Variants in STK32B observed in about 807,000 individuals in gnomAD.
STK32B encodes serine/threonine kinase 32B, also known as serine/threonine-protein kinase 32B.
In STK32B, 43 loss-of-function variants were observed where a neutral mutation model predicts 52.6. The observed-to-expected ratio is 0.82, with a 90% CI of 0.64 to 1.05. The LOEUF (loss-of-function observed/expected upper bound fraction) is 1.05. STK32B is among the 50% of genes least tolerant of loss of function. The pLI, the probability that STK32B is intolerant of heterozygous loss-of-function variation, is 0.00. For missense variants in STK32B, 621 were observed against 534.6 expected, an observed-to-expected ratio of 1.16 and a Z score of -1.59; for synonymous variants, 238 against 204.3, an observed-to-expected ratio of 1.17 and a Z score of -1.41.
chr4:5,038,167 C>T, the STK32B span, among the ~76,000 whole-genome samples: 1 of 152,188 alleles, frequency 6.6e-6, no homozygotes, highest in Non-Finnish European at 1.5e-5. Flanking sequence ...CCATAAAATT[C>T]CTGGCATGCC....
At chr4:5,334,949 G>A (rs1310844702) in intron 4 of STK32B, among the ~76,000 whole-genome samples, 5 of 151,714 alleles carry the variant, frequency 3.3e-5, no homozygotes, top group Non-Finnish European at 7.4e-5. Flanking sequence ...TTTTTTGGTT[G>A]TGTCTCTGCC....
rs1016982485 is a variant in STK32B at position 5,302,372 on chromosome 4, A to G, written c.261-28848A>G. Among the ~76,000 whole-genome samples the G allele has an allele frequency of 3.9e-5, 6 of 152,014 alleles. No homozygotes were observed. In the South Asian group the frequency reaches 8.3e-4, roughly 21 times the overall value. On this transcript the variant is annotated intron_variant, in intron 3 of 11. Transcript: ENST00000282908. ...TATTATTATTATTAGTTCTTTTAAC[A>G]TCCTGTTTAGAAATCTGTCTACCCT...
chr4:5,206,742 A>C lies in STK32B; in HGVS notation c.260+38292A>C, dbSNP rs1444075272. On this transcript the variant is annotated intron_variant, in intron 3 of 11. Coordinates refer to ENST00000282908, the MANE Select transcript of STK32B (RefSeq NM_018401.3). ...CTGCTGAAGTGAGACAGCATCTGCC[A>C]GAACCATTCTGCACCCACGAAGACA... Among the ~76,000 whole-genome samples, 10 of 152,320 alleles carry C rather than the reference A, an allele frequency of 6.6e-5. No individual in the cohort carries two copies. The East Asian group carries it at 1.7e-3, about 26-fold the overall frequency.
intron 3 of STK32B, among the ~76,000 whole-genome samples, chr4:5,275,852 C>G (rs1416299354): frequency 6.6e-6 from 1 of 152,046 alleles, no homozygotes; most frequent in Non-Finnish European, 1.5e-5. Context: ...CCAGTGCCCT[C>G]TCATGTAAGA....
chr4:5,051,729 G>T lies in STK32B; in HGVS notation c.-135G>T, dbSNP rs1369531864. ...CGTCCCCGCCCCTGCACGGTGCTCG[G>T]CCCCCTCGGGCTCCGCGCGCGGCTA... On this transcript the variant is annotated 5_prime_UTR_variant, in exon 1 of 12. Coordinates refer to ENST00000282908, the MANE Select transcript of STK32B (RefSeq NM_018401.3). 8.3e-7 allele frequency: 1 copy of T among 1,201,744 alleles called. No individual in the cohort carries two copies. The highest frequency in any genetic ancestry group is 2.7e-5 in the East Asian group (1 of 37,552). The allele number at this position is 1,201,744 out of a possible 1,614,324, so 74.4% of individuals were successfully genotyped here.
intron 7 of STK32B, chr4:5,447,104 G>A (rs560212235): frequency 3.3e-4 from 66 of 198,986 alleles, no homozygotes; most frequent in Admixed American, 1.6e-3. Context: ...ACAACACAAG[G>A]TCTTCATGTC....
At chr4:5,217,799 C>T (rs1560233400) in intron 3 of STK32B, among the ~76,000 whole-genome samples, 1 of 152,134 alleles carries the variant, frequency 6.6e-6, no homozygotes, top group African/African-American at 2.4e-5. Flanking sequence ...CAGGAAGAGA[C>T]AGTGGAAGGA....
chr4:5,212,208 G>A (rs896687023), intron 3 of STK32B, among the ~76,000 whole-genome samples: 2 of 152,162 alleles, frequency 1.3e-5, no homozygotes, highest in Admixed American at 1.3e-4. Context: ...TAAGCAAGTA[G>A]ATGTGATTAT....
chr4:5,152,473 C>T (rs78349885), intron 2 of STK32B, among the ~76,000 whole-genome samples: 2 of 152,126 alleles, frequency 1.3e-5, no homozygotes, highest in East Asian at 3.9e-4. Context: ...GAAGATGATC[C>T]CAGGAAATAT....
the STK32B span, among the ~76,000 whole-genome samples, chr4:5,039,398 C>T: frequency 1.3e-5 from 2 of 152,160 alleles, no homozygotes; most frequent in African/African-American, 2.4e-5. Context: ...GCACATTAGC[C>T]TAGGTCTCAC....
At chr4:5,047,996 G>C (rs2108748180), upstream of STK32B, among the ~76,000 whole-genome samples, 1 of 152,308 alleles carries the variant, frequency 6.6e-6, no homozygotes, top group South Asian at 2.1e-4. Context: ...GATGGTGGTA[G>C]AGACCAGAGT....
At chr4:5,344,434 A>G (rs1733310393) in intron 4 of STK32B, among the ~76,000 whole-genome samples, 1 of 152,154 alleles carries the variant, frequency 6.6e-6, no homozygotes, top group African/African-American at 2.4e-5. Context: ...CTGAATTTGC[A>G]TCCCATGTAA....
chr4:5,480,731 C>T (rs185655265), intron 11 of STK32B, among the ~76,000 whole-genome samples: 10 of 152,162 alleles, frequency 6.6e-5, no homozygotes, highest in African/African-American at 7.2e-5. Flanking sequence ...ATCCCTCCCC[C>T]CTCCACCCAC....
chr4:5,204,398 T>A (rs1472598276), intron 3 of STK32B, among the ~76,000 whole-genome samples: 2 of 146,606 alleles, frequency 1.4e-5, no homozygotes, highest in Non-Finnish European at 3.0e-5. Flanking sequence ...TGTCCTGGGG[T>A]TTTTTGTTTG....
intron 3 of STK32B, among the ~76,000 whole-genome samples, chr4:5,192,280 G>A (rs143169671): frequency 2.0e-5 from 3 of 152,154 alleles, no homozygotes; most frequent in Admixed American, 6.5e-5. Context: ...CAAGACCCCC[G>A]CTGTGTACAA....
At position 5,493,644 on chromosome 4, in the gene STK32B, T is replaced by G. The variant is rs1437680100; in HGVS notation, c.1107-5301T>G. 3.3e-5 allele frequency among the ~76,000 whole-genome samples: 5 copies of G among 152,332 alleles called. No homozygotes were observed. The East Asian group carries it at 9.6e-4, about 29-fold the overall frequency. ...AGCTTTTGGATGTGTTTGCTCTTGC[T>G]TCTCTAGTTCTTTTAATGGTGATGT... On this transcript the variant is annotated intron_variant, in intron 11 of 11. Coordinates refer to ENST00000282908, the MANE Select transcript of STK32B (RefSeq NM_018401.3).
At chr4:5,193,867 A>G (rs1577172058) in intron 3 of STK32B, among the ~76,000 whole-genome samples, 1 of 152,234 alleles carries the variant, frequency 6.6e-6, no homozygotes. Context: ...GCATTCAGGA[A>G]CCCACATCCT....
intron 3 of STK32B, among the ~76,000 whole-genome samples, chr4:5,249,112 T>A (rs1219580900): frequency 6.6e-6 from 1 of 152,214 alleles, no homozygotes; most frequent in Non-Finnish European, 1.5e-5. Flanking sequence ...TATGCCTTTC[T>A]GTATCAATAC....
At chr4:5,365,561 ACT>A (rs1216011429) in intron 4 of STK32B, among the ~76,000 whole-genome samples, 4 of 152,152 alleles carry the variant, frequency 2.6e-5, no homozygotes, top group South Asian at 2.1e-4. Flanking sequence ...ATCAAATAAC[ACT>A]CTGTTTTACA....
Sources: gnomAD v4.1 joint callset for allele counts (sites outside exome capture counted in the v4.1 genomes callset) on GRCh38, gnomAD v4.1.1 for gene constraint, MANE v1.5 for transcripts, NCBI Gene and HGNC (gene_info 2026-07-23, HGNC 2026-07-21) for gene names.